Variants in SH3GL2 observed in about 807,000 individuals in gnomAD.
The protein encoded by SH3GL2 is SH3 domain containing GRB2 like 2, endophilin A1, also known as endophilin-A1.
In SH3GL2, 24 loss-of-function variants were observed where a neutral mutation model predicts 46.0. That is an observed-to-expected ratio of 0.52 (90% CI 0.38 to 0.73). The LOEUF is 0.73. Ranked by LOEUF, SH3GL2 falls within the 30% of genes least tolerant of loss-of-function variation. The pLI is 0.00. For missense variants in SH3GL2, 413 were observed against 424.2 expected (o/e 0.97, Z 0.23); for synonymous variants, 196 against 147.1 (o/e 1.33, Z -2.40).
At chr9:17,607,570 C>G (rs1038978665) in intron 1 of SH3GL2, among the ~76,000 whole-genome samples, 1 of 152,148 alleles carries the variant, frequency 6.6e-6, no homozygotes, top group African/African-American at 2.4e-5. Flanking sequence ...ACCAAAATGT[C>G]TATGCGGCAC....
intron 1 of SH3GL2, among the ~76,000 whole-genome samples, chr9:17,746,258 G>A (rs1007378320): frequency 6.6e-6 from 1 of 151,786 alleles, no homozygotes; most frequent in Non-Finnish European, 1.5e-5. Context: ...TTGTATTTTT[G>A]GTAGAGACGG....
At chr9:17,747,598 C>T (rs1164330857) in intron 2 of SH3GL2, among the ~76,000 whole-genome samples, 2 of 152,166 alleles carry the variant, frequency 1.3e-5, no homozygotes, top group African/African-American at 4.8e-5. Context: ...CCAACCTTGG[C>T]CCAAACTCCC....
At chr9:17,790,138 G>C (rs1824081783) in intron 6 of SH3GL2, among the ~76,000 whole-genome samples, 1 of 152,068 alleles carries the variant, frequency 6.6e-6, no homozygotes, top group African/African-American at 2.4e-5. Context: ...GAGCGTATGG[G>C]TGTCCCTTCG....
At chr9:17,725,206 T>A (rs953853356) in intron 1 of SH3GL2, among the ~76,000 whole-genome samples, 18 of 152,180 alleles carry the variant, frequency 1.2e-4, no homozygotes, top group Non-Finnish European at 2.4e-4. Flanking sequence ...CTGATGGATC[T>A]GTGTACGACT....
intron 1 of SH3GL2, among the ~76,000 whole-genome samples, chr9:17,707,163 G>A (rs1821492450): frequency 6.6e-6 from 1 of 151,958 alleles, no homozygotes. Context: ...CACATGTTGT[G>A]ACCTTGGGCA....
intron 1 of SH3GL2, among the ~76,000 whole-genome samples, chr9:17,678,169 CA>C (rs1273946775): frequency 1.3e-5 from 2 of 151,998 alleles, no homozygotes; most frequent in African/African-American, 4.8e-5. Flanking sequence ...ATTGCTGGGT[CA>C]AATGGTATTT....
In SH3GL2 at chr9:17,699,148, T is replaced by C. The variant is rs867764210; in HGVS notation, c.46-47918T>C. On this transcript the variant is annotated intron_variant, in intron 1 of 8. Transcript: ENST00000380607. ...CCAGCTAGGTGACAGAGTGAGACTC[T>C]GTCTCAAAAAAAAAAAAAAAAAAAA... Among the ~76,000 whole-genome samples, 82 of 94,620 alleles carry C rather than the reference T, an allele frequency of 8.7e-4. 1 individual carries two copies. Among genetic ancestry groups the C allele is most frequent in the Middle Eastern group, 4.9e-3 (1 of 204 alleles). The allele number at this position is 94,620 out of a possible 152,430, so 62.1% of individuals were successfully genotyped here.
intron 2 of SH3GL2, among the ~76,000 whole-genome samples, chr9:17,758,937 C>T (rs915879871): frequency 1.3e-5 from 2 of 152,074 alleles, no homozygotes; most frequent in African/African-American, 2.4e-5. Context: ...TGGAGTCCTG[C>T]CCTGGGGACC....
At chr9:17,784,632 G>T (rs1366556401) in intron 3 of SH3GL2, among the ~76,000 whole-genome samples, 3 of 152,090 alleles carry the variant, frequency 2.0e-5, no homozygotes, top group Non-Finnish European at 4.4e-5. Context: ...GCACCTTGAG[G>T]GCTGGGACTG....
At chr9:17,642,190 A>G (rs1819701549) in intron 1 of SH3GL2, among the ~76,000 whole-genome samples, 1 of 152,058 alleles carries the variant, frequency 6.6e-6, no homozygotes, top group Non-Finnish European at 1.5e-5. Flanking sequence ...TCCTTTGCCC[A>G]TGTTTCTATG....
intron 2 of SH3GL2, among the ~76,000 whole-genome samples, chr9:17,748,755 C>T (rs1200305831): frequency 6.6e-6 from 1 of 151,970 alleles, no homozygotes; most frequent in Non-Finnish European, 1.5e-5. Context: ...TAATGACCAG[C>T]GTGGCGAGGA....
intron 1 of SH3GL2, among the ~76,000 whole-genome samples, chr9:17,637,981 C>A (rs1819580746): frequency 6.6e-6 from 1 of 151,972 alleles, no homozygotes; most frequent in South Asian, 2.1e-4. Flanking sequence ...ACAGTGAAAC[C>A]CCGTCTCTAC....
chr9:17,697,316 C>T (rs1356079206), intron 1 of SH3GL2, among the ~76,000 whole-genome samples: 1 of 151,880 alleles, frequency 6.6e-6, no homozygotes, highest in Non-Finnish European at 1.5e-5. Flanking sequence ...CTCCGCCTCC[C>T]GGGTTCAAGG....
At chr9:17,753,760 C>A (rs1040626065) in intron 2 of SH3GL2, among the ~76,000 whole-genome samples, 2 of 152,136 alleles carry the variant, frequency 1.3e-5, no homozygotes, top group African/African-American at 4.8e-5. Flanking sequence ...ATGCCTATGT[C>A]CTCAATGGTA....
chr9:17,664,511 G>A lies in SH3GL2; in HGVS notation c.46-82555G>A, dbSNP rs1057017365. 4.6e-4 allele frequency among the ~76,000 whole-genome samples: 70 copies of A among 152,058 alleles called. 4 individuals carry two copies. The highest frequency in any genetic ancestry group is 1.5e-5 in the Non-Finnish European group (1 of 67,978). ...TGATCTTGAGCTCACATGGTTGTCA[G>A]ACAGTGAAGAATTTTGAAAAAGGCA... On this transcript the variant is annotated intron_variant, in intron 1 of 8. Transcript: ENST00000380607.
chr9:17,622,343 C>G (rs1002142170), intron 1 of SH3GL2, among the ~76,000 whole-genome samples: 2 of 152,096 alleles, frequency 1.3e-5, no homozygotes, highest in Non-Finnish European at 2.9e-5. Context: ...AGGATAGCTT[C>G]CAATTTTTAG....
Position 17,761,454 on chromosome 9 carries a change from C to T in SH3GL2, c.132C>T (p.Ser44=). 1 of 1,606,064 alleles carries T rather than the reference C, an allele frequency of 6.2e-7. No individual in the cohort carries two copies. The highest frequency in any genetic ancestry group is 8.5e-7 in the Non-Finnish European group (1 of 1,172,590). Residue 44 remains serine (S), a synonymous_variant, in exon 3 of 9, where the codon AGC becomes AGT. Coordinates refer to ENST00000380607, the MANE Select transcript of SH3GL2 (RefSeq NM_003026.5). ...KEMERKVDVT[S]RAVMEIMTKT... ...CATTTCAGAAAGTGGATGTCACCAG[C>T]AGGGCTGTGATGGAAATAATGACTA...
chr9:17,787,363 G>A lies in SH3GL2; in HGVS notation c.332-17G>A. ...CATCTTTATTCTGTAACATGAAAGA[G>A]CTTTATTCTCTCCTAGGCCCAGCAC... On this transcript the variant is annotated splice_polypyrimidine_tract_variant and intron_variant, in intron 4 of 8. Transcript: ENST00000380607. 4 of 1,607,176 alleles carry A rather than the reference G, an allele frequency of 2.5e-6. No individual in the cohort carries two copies. In the South Asian group the frequency reaches 3.3e-5, roughly 13 times the overall value.
intron 8 of SH3GL2, among the ~76,000 whole-genome samples, chr9:17,794,630 G>T (rs1457607786): frequency 6.6e-6 from 1 of 152,178 alleles, no homozygotes; most frequent in Non-Finnish European, 1.5e-5. Context: ...CAGCCACCTA[G>T]ATGGCATGGG....
Sources: gnomAD v4.1 joint callset for allele counts (sites outside exome capture counted in the v4.1 genomes callset) on GRCh38, gnomAD v4.1.1 for gene constraint, MANE v1.5 for transcripts, NCBI Gene and HGNC (gene_info 2026-07-23, HGNC 2026-07-21) for gene names.